MMRN1: variants seen among roughly 807,000 people sequenced by gnomAD.
MMRN1 encodes the protein multimerin-1.
Under a neutral mutation model 100.7 loss-of-function variants are expected in MMRN1, and 94 were observed. That is an observed-to-expected ratio of 0.93 (90% confidence interval 0.79 to 1.11). MMRN1 has a LOEUF of 1.11. Among genes scored for constraint, MMRN1 ranks in the 50% least tolerant of loss-of-function variants. The probability of loss-of-function intolerance (pLI) is 0.00; values close to 1 mark genes in which losing one functional copy is unlikely to be tolerated. For missense variants in MMRN1, 1,606 were observed against 1,439.1 expected (o/e 1.12, Z -1.88); for synonymous variants, 575 against 505.0 (o/e 1.14, Z -1.86).
intron 3 of MMRN1, among the ~76,000 whole-genome samples, chr4:89,913,305 C>T (rs1461951498): frequency 6.6e-6 from 1 of 151,246 alleles, no homozygotes; most frequent in Non-Finnish European, 1.5e-5. Context: ...ATCATTATTT[C>T]TTGATGATTC....
chr4:89,925,018 C>T (rs1198319166), intron 4 of MMRN1, among the ~76,000 whole-genome samples: 1 of 151,900 alleles, frequency 6.6e-6, no homozygotes, highest in East Asian at 1.9e-4. Flanking sequence ...TACAAACAAT[C>T]CAATTATATT....
chr4:89,929,301 G>A lies in MMRN1; in HGVS notation c.1129+1333G>A, dbSNP rs546078350. Among the ~76,000 whole-genome samples, 20 of 152,076 alleles carry A rather than the reference G, an allele frequency of 1.3e-4. No homozygotes were observed. In the South Asian group the frequency reaches 3.9e-3, roughly 30 times the overall value. ...CTATTGATTTAAAAAAGATAAATAG[G>A]TGGATATTTAATATATCATCTACCA... On this transcript the variant is annotated intron_variant, in intron 5 of 7. Transcript: ENST00000264790.
At chr4:89,903,898 A>G (rs547738687) in intron 1 of MMRN1, among the ~76,000 whole-genome samples, 2 of 11,882 alleles carry the variant, frequency 1.7e-4, no homozygotes, top group East Asian at 1.3e-3. Flanking sequence ...TCAGGATTAG[A>G]AAAAAAAAAA....
rs113967666 is a variant in MMRN1, at chr4:89,907,146, A to G, written c.624-2130A>G. On this transcript the variant is annotated intron_variant, in intron 1 of 7. Coordinates refer to ENST00000264790, the MANE Select transcript of MMRN1 (RefSeq NM_007351.3). ...GAGGAATCTAGTTAATTTTTTAAAGATCCCTTTATTGTGGTCCTCTCAATT... is the reference window on the plus strand; with the variant it reads ...GAGGAATCTAGTTAATTTTTTAAAGGTCCCTTTATTGTGGTCCTCTCAATT... Among the ~76,000 whole-genome samples the G allele has an allele frequency of 5.9e-3, 900 of 151,316 alleles. 7 individuals are homozygous for G. The highest frequency in any genetic ancestry group is 0.021 in the African/African-American group (859 of 41,402).
intron 6 of MMRN1, 91 bp from the exon 7 acceptor site, chr4:89,951,513 CT>C (rs1269371227): frequency 7.6e-7 from 1 of 1,322,560 alleles, no homozygotes; most frequent in African/African-American, 1.5e-5. Flanking sequence ...AAAATTCAGT[CT>C]TTTTCCTATT....
At position 89,951,547 on chromosome 4, in the gene MMRN1, A is replaced by T. The variant is rs1723174850; in HGVS notation, c.3119-58A>T. ...ATTCTGCTGCAAACTACGATTTGAGATCAACAGGAAAATAGGTCACTTTAT... is the reference window on the plus strand; with the variant it reads ...ATTCTGCTGCAAACTACGATTTGAGTTCAACAGGAAAATAGGTCACTTTAT... On this transcript the variant is annotated intron_variant, in intron 6 of 7. Coordinates refer to ENST00000264790, the MANE Select transcript of MMRN1 (RefSeq NM_007351.3). The T allele has an allele frequency of 3.5e-5, 50 of 1,424,574 alleles. 1 individual carries two copies. In the South Asian group the frequency reaches 7.3e-4, roughly 21 times the overall value. 88.2% of individuals were successfully genotyped at this position (1,424,574 alleles called of 1,614,324 possible). A position where few individuals can be genotyped will look rare whatever the true frequency, so the allele number is the denominator to read the frequency against.
chr4:89,919,215 T>C (rs1722013848), intron 3 of MMRN1, among the ~76,000 whole-genome samples: 1 of 151,514 alleles, frequency 6.6e-6, no homozygotes, highest in Admixed American at 6.6e-5. Context: ...TGATTTTTTC[T>C]AAATATTTTA....
At chr4:89,934,259 A>G (rs1722532268) in intron 5 of MMRN1, among the ~76,000 whole-genome samples, 1 of 152,154 alleles carries the variant, frequency 6.6e-6, no homozygotes, top group Non-Finnish European at 1.5e-5. Context: ...TTTTATTGTT[A>G]TTATAAAACA....
chr4:89,921,614 A>G (rs1018856362), intron 3 of MMRN1, among the ~76,000 whole-genome samples: 1 of 152,168 alleles, frequency 6.6e-6, no homozygotes, highest in Non-Finnish European at 1.5e-5. Context: ...AAATAATTAC[A>G]CTATTCCCCA....
rs1721137105 is a variant in MMRN1, at chr4:89,894,857, T to A, written c.-115T>A. The A allele has an allele frequency of 1.4e-6, 2 of 1,473,976 alleles. No individual in the cohort carries two copies. The highest frequency in any genetic ancestry group is 2.9e-5 in the South Asian group (2 of 69,188). 91.3% of individuals were successfully genotyped at this position (1,473,976 alleles called of 1,614,324 possible). On this transcript the variant is annotated 5_prime_UTR_variant, in exon 1 of 8. Coordinates refer to ENST00000264790, the MANE Select transcript of MMRN1 (RefSeq NM_007351.3). ...CACAGAAACCTGTTTCCTCTACACA[T>A]CTCAAACTGGCAAAACTCAGTCTTA...
In MMRN1 at chr4:89,953,091, T is replaced by TTTTA; in HGVS notation, c.3360_3361insTTTA (p.Asn1121PhefsTer19). The TTTTA allele has an allele frequency of 6.2e-7, 1 of 1,613,946 alleles. No individual in the cohort carries two copies. The highest frequency in any genetic ancestry group is 8.5e-7 in the Non-Finnish European group (1 of 1,179,882). On this transcript the variant is annotated frameshift_variant, in exon 8 of 8. Transcript: ENST00000264790. LOFTEE classifies it high-confidence loss of function. ...CTATACCTGGTCCTATCCTGTTTAA[T>TTTTA]AACTTGGATGTCAATTATGGAGCTT...
intron 1 of MMRN1, among the ~76,000 whole-genome samples, chr4:89,888,765 TC>T (rs746220635): frequency 3.3e-5 from 5 of 152,282 alleles, no homozygotes; most frequent in Non-Finnish European, 7.4e-5. Context: ...TATGTCTTAT[TC>T]CTGGCATTTT....
intron 3 of MMRN1, among the ~76,000 whole-genome samples, chr4:89,916,040 C>T (rs1280860554): frequency 2.0e-5 from 3 of 151,626 alleles, no homozygotes; most frequent in African/African-American, 4.8e-5. Flanking sequence ...CATCAATCAA[C>T]GAGGCTCTTT....
In MMRN1 at chr4:89,951,601, A is replaced by G. The variant is rs759144176; in HGVS notation, c.3119-4A>G. The G allele has an allele frequency of 3.6e-5, 53 of 1,480,020 alleles. No homozygotes were observed. The highest frequency in any genetic ancestry group is 4.7e-5 in the Non-Finnish European group (52 of 1,116,864). 91.7% of individuals were successfully genotyped at this position (1,480,020 alleles called of 1,614,324 possible). A position where few individuals can be genotyped will look rare whatever the true frequency, so the allele number is the denominator to read the frequency against. ...CTTTTACCTTGATTCTTTTTCCGTA[A>G]CAGAGGAGTATTCAAGCTGTAGTCG... On this transcript the variant is annotated splice_polypyrimidine_tract_variant and splice_region_variant and intron_variant, in intron 6 of 7. Coordinates refer to ENST00000264790, the MANE Select transcript of MMRN1 (RefSeq NM_007351.3).
intron 3 of MMRN1, among the ~76,000 whole-genome samples, chr4:89,919,381 G>C (rs1722018879): frequency 6.6e-6 from 1 of 151,448 alleles, no homozygotes; most frequent in Non-Finnish European, 1.5e-5. Flanking sequence ...ATTCATGGTT[G>C]CAAACGATCT....
rs371471159 is a variant in MMRN1, at chr4:89,914,962, A to G, written c.850+2912A>G. 3.3e-5 allele frequency among the ~76,000 whole-genome samples: 5 copies of G among 151,704 alleles called. No individual in the cohort carries two copies. The East Asian group carries it at 9.7e-4, about 29-fold the overall frequency. On this transcript the variant is annotated intron_variant, in intron 3 of 7. Coordinates refer to ENST00000264790, the MANE Select transcript of MMRN1 (RefSeq NM_007351.3). Reference sequence around the variant, plus strand: ...TGGCTTTAATCATCAGATCCTTTATAGGAAAAAGGTATCTTATAACATTCT... The same window carrying G: ...TGGCTTTAATCATCAGATCCTTTATGGGAAAAAGGTATCTTATAACATTCT...
chr4:89,927,631 C>G (rs1722302562), intron 4 of MMRN1, among the ~76,000 whole-genome samples, 164 bp from the exon 5 acceptor site: 1 of 152,090 alleles, frequency 6.6e-6, no homozygotes, highest in Non-Finnish European at 1.5e-5. Context: ...ATAGCTCTAG[C>G]TAGAGCTTCT....
Position 89,895,330 on chromosome 4 carries a change from A to T in MMRN1, c.359A>T (p.Asn120Ile), listed in dbSNP as rs900531066. ...VKLQNLTLPTNASIKFNPGAE... is the reference protein window; with the variant it reads ...VKLQNLTLPTIASIKFNPGAE... ...TTACAGAATCTTACCCTCCCAACCAACGCTAGCATCAAGTTCAATCCTGGA... is the reference window on the plus strand; with the variant it reads ...TTACAGAATCTTACCCTCCCAACCATCGCTAGCATCAAGTTCAATCCTGGA... The change falls in exon 1 of 8, where the codon AAC (asparagine) becomes ATC (isoleucine). Residue 120 changes from asparagine (N) to isoleucine (I), a missense_variant. By Grantham distance (149) the Asn-to-Ile change is moderately radical. Coordinates refer to ENST00000264790, the MANE Select transcript of MMRN1 (RefSeq NM_007351.3). 1 of 1,613,880 alleles carries T rather than the reference A, an allele frequency of 6.2e-7. No homozygotes were observed. The highest frequency in any genetic ancestry group is 8.5e-7 in the Non-Finnish European group (1 of 1,179,916).
At chr4:89,933,528 G>A (rs943957499) in intron 5 of MMRN1, among the ~76,000 whole-genome samples, 1 of 152,174 alleles carries the variant, frequency 6.6e-6, no homozygotes, top group African/African-American at 2.4e-5. Flanking sequence ...AGAAAAAGAG[G>A]TTTAATGGAC....
Sources: gnomAD v4.1 joint callset for allele counts (sites outside exome capture counted in the v4.1 genomes callset) on GRCh38, gnomAD v4.1.1 for gene constraint, MANE v1.5 for transcripts, NCBI Gene and HGNC (gene_info 2026-07-23, HGNC 2026-07-21) for gene names.